The following FBXO34 variants were observed in gnomAD, a reference collection of about 807,000 sequenced individuals.
FBXO34 encodes the protein F-box protein 34, also known as F-box only protein 34.
Under a neutral mutation model 24.5 loss-of-function variants are expected in FBXO34, and 12 were observed. The ratio of observed to expected loss-of-function variants is 0.49; its 90% CI spans 0.31 to 0.79. The LOEUF is 0.79. Ranked by LOEUF, FBXO34 falls within the 30% of genes least tolerant of loss-of-function variation. FBXO34 has a pLI of 0.04. For missense variants in FBXO34, 823 were observed against 857.7 expected (o/e 0.96, Z 0.51); for synonymous variants, 320 against 311.9 (o/e 1.03, Z -0.27).
chr14:55,330,910 A>G (rs1165856301), intron 1 of FBXO34, among the ~76,000 whole-genome samples: 3 of 152,126 alleles, frequency 2.0e-5, no homozygotes, highest in South Asian at 2.1e-4. Context: ...TTTTCTATGG[A>G]TGGAGATTTT....
chr14:55,298,676 G>C, intron 1 of FBXO34: 1 of 1,546,826 alleles, frequency 6.5e-7, no homozygotes, highest in Non-Finnish European at 8.8e-7. Context: ...AGGCCGGCAA[G>C]GGCGGCCTGA....
the FBXO34 span, among the ~76,000 whole-genome samples, chr14:55,432,953 T>A: frequency 6.6e-6 from 1 of 152,134 alleles, no homozygotes; most frequent in East Asian, 1.9e-4. Flanking sequence ...CTTTAGAAAG[T>A]TCTATCCATT....
the FBXO34 span, among the ~76,000 whole-genome samples, chr14:55,414,750 CAG>C: frequency 6.6e-6 from 1 of 152,148 alleles, no homozygotes; most frequent in Non-Finnish European, 1.5e-5. Context: ...AATATGGCCT[CAG>C]AGTAATTTCA....
the FBXO34 span, among the ~76,000 whole-genome samples, chr14:55,400,381 C>G: frequency 3.3e-5 from 5 of 152,104 alleles, no homozygotes; most frequent in African/African-American, 1.2e-4. Context: ...TTGCAGCTGT[C>G]ACATAAAGTA....
At chr14:55,280,716 C>CG (rs1280452139) in intron 1 of FBXO34, among the ~76,000 whole-genome samples, 3 of 151,732 alleles carry the variant, frequency 2.0e-5, no homozygotes, top group Non-Finnish European at 4.4e-5. Flanking sequence ...TTAGTAGAGA[C>CG]GGGGTTTCAC....
At chr14:55,432,929 G>C in the FBXO34 span, among the ~76,000 whole-genome samples, 16 of 152,174 alleles carry the variant, frequency 1.1e-4, no homozygotes, top group Admixed American at 3.3e-4. Flanking sequence ...CTCAAGGAAT[G>C]TCTAATTGAG....
At chr14:55,275,401 C>T (rs1881300102) in intron 1 of FBXO34, among the ~76,000 whole-genome samples, 1 of 152,132 alleles carries the variant, frequency 6.6e-6, no homozygotes, top group African/African-American at 2.4e-5. Context: ...GTGCCAGGTA[C>T]TCAGATAGGG....
At chr14:55,358,955 G>C (rs187225023) in intron 3 of FBXO34, among the ~76,000 whole-genome samples, 15 of 152,158 alleles carry the variant, frequency 9.9e-5, no homozygotes, top group African/African-American at 3.6e-4. Context: ...GGAAGGAGGA[G>C]GGTGGTTGCT....
At chr14:55,313,555 C>T (rs1401539971) in intron 1 of FBXO34, among the ~76,000 whole-genome samples, 1 of 152,170 alleles carries the variant, frequency 6.6e-6, no homozygotes, top group African/African-American at 2.4e-5. Flanking sequence ...AAAAAACTGC[C>T]TGAAACTAGG....
intron 1 of FBXO34, among the ~76,000 whole-genome samples, chr14:55,277,497 T>A (rs187278737): frequency 0.013 from 1,993 of 151,922 alleles, 75 homozygotes; most frequent in Non-Finnish European, 0.01. Context: ...CTTTTTTTTT[T>A]ATTATTATTT....
the FBXO34 span, among the ~76,000 whole-genome samples, chr14:55,387,088 A>G: frequency 2.0e-5 from 3 of 151,930 alleles, no homozygotes; most frequent in Non-Finnish European, 2.9e-5. Flanking sequence ...CACTCTGCCT[A>G]TCTCCAACAC....
At chr14:55,303,916 A>G (rs1467809689) in intron 1 of FBXO34, among the ~76,000 whole-genome samples, 1 of 152,158 alleles carries the variant, frequency 6.6e-6, no homozygotes, top group African/African-American at 2.4e-5. Context: ...ATTGTGATTT[A>G]TGTGGTTCTT....
the FBXO34 span, among the ~76,000 whole-genome samples, chr14:55,441,158 A>G: frequency 6.7e-6 from 1 of 149,236 alleles, no homozygotes; most frequent in African/African-American, 2.5e-5. Context: ...TTTTCTAAGA[A>G]ACTTAAATAC....
intron 1 of FBXO34, among the ~76,000 whole-genome samples, chr14:55,347,048 C>T (rs149488576): frequency 5.9e-5 from 9 of 152,280 alleles, no homozygotes; most frequent in Non-Finnish European, 8.8e-5. Context: ...TGTGATTCAG[C>T]GGGCCTAGGG....
chr14:55,424,256 G>C, the FBXO34 span: 2 of 1,600,082 alleles, frequency 1.2e-6, no homozygotes, highest in African/African-American at 2.7e-5. Context: ...GCTCGTAACT[G>C]TTAAGATGTA....
chr14:55,368,408 CAG>C (rs1350813076), downstream of FBXO34: 3 of 152,056 alleles, frequency 2.0e-5, no homozygotes, highest in African/African-American at 7.3e-5. Flanking sequence ...TTAGTAGAAA[CAG>C]GGTTTCACCA....
At chr14:55,336,472 G>A (rs1388112783) in intron 1 of FBXO34, among the ~76,000 whole-genome samples, 1 of 152,056 alleles carries the variant, frequency 6.6e-6, no homozygotes, top group African/African-American at 2.4e-5. Flanking sequence ...CAGTTTGTGG[G>A]TCTACACTGT....
At chr14:55,338,725 G>A (rs757750650) in intron 1 of FBXO34, among the ~76,000 whole-genome samples, 3 of 151,808 alleles carry the variant, frequency 2.0e-5, no homozygotes, top group Non-Finnish European at 4.4e-5. Flanking sequence ...TGGCTAACAC[G>A]GTGAAACCCC....
the FBXO34 span, among the ~76,000 whole-genome samples, chr14:55,409,876 G>A: frequency 6.6e-6 from 1 of 152,232 alleles, no homozygotes; most frequent in East Asian, 1.9e-4. Flanking sequence ...TACAAAAGGG[G>A]AGCAAGGACG....
Sources: gnomAD v4.1 joint callset for allele counts (sites outside exome capture counted in the v4.1 genomes callset) on GRCh38, gnomAD v4.1.1 for gene constraint, MANE v1.5 for transcripts, NCBI Gene and HGNC (gene_info 2026-07-23, HGNC 2026-07-21) for gene names.